LIPC: variants seen among roughly 807,000 people sequenced by gnomAD.
LIPC encodes hepatic triacylglycerol lipase.
Under a neutral mutation model 50.7 loss-of-function variants are expected in LIPC, and 44 were observed. The ratio of observed to expected loss-of-function variants is 0.87; its 90% CI spans 0.68 to 1.11. The LOEUF (loss-of-function observed/expected upper bound fraction) is 1.11. Among genes scored for constraint, LIPC ranks in the 50% most tolerant of loss-of-function variants. The pLI is 0.00. For missense variants in LIPC, 697 were observed against 648.2 expected (o/e 1.08, Z -0.82); for synonymous variants, 271 against 256.4 (o/e 1.06, Z -0.54).
chr15:58,454,600 T>A (rs1894041172), intron 1 of LIPC: 1 of 152,238 alleles, frequency 6.6e-6, no homozygotes, highest in African/African-American at 2.4e-5. Context: ...ATGGTTTTAC[T>A]CCCACATGGT....
rs1894326238 is a variant in LIPC, at chr15:58,565,297, C to T, written c.1388+1574C>T. The T allele has an allele frequency of 7.2e-6, 11 of 1,535,578 alleles. No individual in the cohort carries two copies. The East Asian group carries it at 2.7e-4, about 38-fold the overall frequency. ...CGCTGCTTCTGAGCTCTGACCCTGCCCAGATGCTCTTAGCTGGAGAGTAAT... is the reference window on the plus strand; with the variant it reads ...CGCTGCTTCTGAGCTCTGACCCTGCTCAGATGCTCTTAGCTGGAGAGTAAT... On this transcript the variant is annotated intron_variant, in intron 8 of 8. Coordinates refer to ENST00000299022, the MANE Select transcript of LIPC (RefSeq NM_000236.3).
At chr15:58,487,218 G>C (rs945036216) in intron 1 of LIPC, among the ~76,000 whole-genome samples, 4 of 152,184 alleles carry the variant, frequency 2.6e-5, no homozygotes, top group Admixed American at 6.5e-5. Flanking sequence ...GTGAGTCCCA[G>C]CTGCGCCACT....
At chr15:58,455,028 G>T (rs1486955477) in intron 1 of LIPC, 3 of 152,192 alleles carry the variant, frequency 2.0e-5, no homozygotes, top group Non-Finnish European at 4.4e-5. Context: ...CGTACTGTGT[G>T]GTGGAAATAC....
chr15:58,493,166 A>G (rs534477730), intron 1 of LIPC, among the ~76,000 whole-genome samples: 1 of 152,168 alleles, frequency 6.6e-6, no homozygotes, highest in African/African-American at 2.4e-5. Context: ...TACCCTCATC[A>G]GTGATGACTC....
chr15:58,557,637 A>G (rs1266508315), intron 6 of LIPC, among the ~76,000 whole-genome samples: 4 of 151,934 alleles, frequency 2.6e-5, no homozygotes, highest in Non-Finnish European at 4.4e-5. Flanking sequence ...CGCCCCCCTC[A>G]GCCTCCCAAA....
intron 1 of LIPC, among the ~76,000 whole-genome samples, chr15:58,450,049 A>G (rs1469189094): frequency 6.6e-6 from 1 of 152,178 alleles, no homozygotes; most frequent in Admixed American, 6.5e-5. Context: ...TTAGCACCTT[A>G]GTAGAAAAAT....
intron 1 of LIPC, among the ~76,000 whole-genome samples, chr15:58,467,182 C>T (rs1566917586): frequency 1.3e-5 from 2 of 152,132 alleles, no homozygotes; most frequent in Admixed American, 6.5e-5. Context: ...AGCATGAATC[C>T]AACTCACAGA....
At chr15:58,485,778 G>T (rs1206204875) in intron 1 of LIPC, among the ~76,000 whole-genome samples, 5 of 152,362 alleles carry the variant, frequency 3.3e-5, no homozygotes, top group South Asian at 2.1e-4. Context: ...TGCCTTCCCA[G>T]CCACACTGAG....
rs1380204803 is a variant in LIPC at position 58,541,967 on chromosome 15, G to A, written c.456G>A (p.Glu152=). 6.2e-7 allele frequency: 1 copy of A among 1,606,922 alleles called. No homozygotes were observed. The highest frequency in any genetic ancestry group is 2.2e-5 in the East Asian group (1 of 44,484). Residue 152 remains glutamate, a splice_region_variant and synonymous_variant, in exon 3 of 9, where the codon GAG becomes GAA. Transcript: ENST00000299022. ...TCGCGGCTCTTCTCCGGTGGCTGGA[G>A]GTACCGACCTGCCCCATCCTTCCTT... is the stretch of plus-strand genomic sequence containing the variant. The part of the protein sequence containing the change: ...KEVAALLRWL[E]ESVQLSRSHV...
chr15:58,529,786 G>A (rs982584941), intron 1 of LIPC, among the ~76,000 whole-genome samples: 1 of 152,198 alleles, frequency 6.6e-6, no homozygotes, highest in Non-Finnish European at 1.5e-5. Context: ...TGCATGGTTT[G>A]GGGCATGTCA....
intron 1 of LIPC, among the ~76,000 whole-genome samples, chr15:58,534,478 G>A (rs1893052354): frequency 6.6e-6 from 1 of 152,186 alleles, no homozygotes; most frequent in South Asian, 2.1e-4. Context: ...AGAGGCTGCT[G>A]CTCAATTACA....
chr15:58,541,693 CT>C, intron 2 of LIPC, 91 bp from the exon 3 acceptor site: 1 of 1,326,332 alleles, frequency 7.5e-7, no homozygotes. Flanking sequence ...ATAGCAAGCC[CT>C]TCCTCCAGCA....
At chr15:58,504,607 A>G (rs567322346) in intron 1 of LIPC, among the ~76,000 whole-genome samples, 3 of 152,186 alleles carry the variant, frequency 2.0e-5, no homozygotes, top group African/African-American at 7.2e-5. Context: ...CCCACTTCCA[A>G]CAACTCATTT....
intron 8 of LIPC, chr15:58,564,021 TCG>T: frequency 4.4e-6 from 2 of 454,848 alleles, no homozygotes; most frequent in East Asian, 8.9e-5. Context: ...TTCTCAAGCT[TCG>T]GTGCAGGTGA....
intron 1 of LIPC, among the ~76,000 whole-genome samples, chr15:58,432,938 T>G (rs1460729328): frequency 6.6e-6 from 1 of 152,206 alleles, no homozygotes; most frequent in Non-Finnish European, 1.5e-5. Flanking sequence ...CCGACAACTT[T>G]GAGAATTAGA....
chr15:58,566,039 C>T (rs759539426), intron 8 of LIPC: 5 of 983,920 alleles, frequency 5.1e-6, no homozygotes, highest in Middle Eastern at 5.2e-4. Context: ...CAAACTTTCA[C>T]GAGCATACAA....
chr15:58,524,618 T>C (rs1892749130), intron 1 of LIPC, among the ~76,000 whole-genome samples: 1 of 152,250 alleles, frequency 6.6e-6, no homozygotes, highest in South Asian at 2.1e-4. Flanking sequence ...TTGAGACTTG[T>C]GTCTCAGTAT....
At chr15:58,550,785 G>T (rs796749738) in intron 6 of LIPC, among the ~76,000 whole-genome samples, 2 of 150,152 alleles carry the variant, frequency 1.3e-5, no homozygotes, top group East Asian at 1.9e-4. Context: ...TTCCAGTGCC[G>T]AGCTGTGGCT....
At chr15:58,434,681 G>C (rs1893233511) in intron 1 of LIPC, among the ~76,000 whole-genome samples, 1 of 152,354 alleles carries the variant, frequency 6.6e-6, no homozygotes, top group Middle Eastern at 3.4e-3. Flanking sequence ...AGCGTGAGCT[G>C]CTTGAAGCCC....
Sources: allele counts gnomAD v4.1 joint callset (sites outside exome capture counted in the v4.1 genomes callset), GRCh38; gene constraint gnomAD v4.1.1; transcripts MANE v1.5; gene names NCBI Gene and HGNC (gene_info 2026-07-23, HGNC 2026-07-21).